INS: variants seen among roughly 807,000 people sequenced by gnomAD.
The protein encoded by INS is preproinsulin.
Under a neutral mutation model 10.5 loss-of-function variants are expected in INS, and 6 were observed. That is an observed-to-expected ratio of 0.57 (90% CI 0.31 to 1.13). The LOEUF (loss-of-function observed/expected upper bound fraction) is 1.13. Among genes scored for constraint, INS ranks in the 50% most tolerant of loss-of-function variants. The probability of loss-of-function intolerance (pLI) is 0.05; values close to 1 mark genes in which losing one functional copy is unlikely to be tolerated. For synonymous variants in INS, 71 were observed against 62.7 expected (o/e 1.13, Z -0.63); for missense variants, 109 against 138.6 (o/e 0.79, Z 1.07).
At position 2,159,834 on chromosome 11, in the gene INS, G is replaced by T; in HGVS notation, c.*18C>A. 2 of 1,609,840 alleles carry T rather than the reference G, an allele frequency of 1.2e-6. No homozygotes were observed. The highest frequency in any genetic ancestry group is 1.1e-5 in the South Asian group (1 of 90,168). On this transcript the variant is annotated 3_prime_UTR_variant, in exon 3 of 3. Transcript: ENST00000381330. ...CGGTGCAGGAGGCGGCGGGTGTGGG[G>T]CTGCCTGCGGGCTGCGTCTAGTTGC...
At chr11:2,160,396 C>T (rs1845859699) in intron 2 of INS, among the ~76,000 whole-genome samples, 2 of 152,212 alleles carry the variant, frequency 1.3e-5, no homozygotes, top group South Asian at 2.1e-4. Flanking sequence ...GGGTGTTCGC[C>T]CAGAGGCAGG....
rs561372758 is a variant in INS, at chr11:2,160,217, G to A, written c.188-220C>T. ...CCCACATGTCCCACCTCCTTCCCCC[G>A]CCCCGGGGCAGCGTCACAGTGGGAG... On this transcript the variant is annotated intron_variant, in intron 2 of 2. Transcript: ENST00000381330. Among the ~76,000 whole-genome samples, 168 of 152,228 alleles carry A rather than the reference G, an allele frequency of 1.1e-3. No homozygotes were observed. The highest frequency in any genetic ancestry group is 3.5e-3 in the Admixed American group (54 of 15,304).
chr11:2,161,141 C>T, intron 1 of INS, 27 bp downstream of exon 1: 2 of 919,200 alleles, frequency 2.2e-6, no homozygotes, highest in Non-Finnish European at 3.2e-6. Context: ...CCTGAGCCCA[C>T]CTGACGCAAA....
In INS at chr11:2,160,818, G is replaced by T. The variant is rs1460766978; in HGVS notation, c.154C>A (p.Pro52Thr). The T allele has an allele frequency of 6.2e-7, 1 of 1,612,600 alleles. No individual in the cohort carries two copies. Among genetic ancestry groups the T allele is most frequent in the Admixed American group, 1.7e-5 (1 of 60,012 alleles). Residue 52 changes from proline to threonine, a missense_variant, in exon 2 of 3, where the codon CCC (proline) becomes ACC (threonine). Coordinates refer to ENST00000381330, the MANE Select transcript of INS (RefSeq NM_000207.3). Reference sequence around the variant, plus strand: ...TCCTCTGCCTCCCGGCGGGTCTTGGGTGTGTAGAAGAAGCCTCGTTCCCCG... The same window carrying T: ...TCCTCTGCCTCCCGGCGGGTCTTGGTTGTGTAGAAGAAGCCTCGTTCCCCG... Reference protein sequence around the residue: ...VCGERGFFYTPKTRREAEDLQ... With the variant: ...VCGERGFFYTTKTRREAEDLQ...
intron 2 of INS, among the ~76,000 whole-genome samples, chr11:2,160,442 G>C (rs1024750316): frequency 3.3e-5 from 5 of 152,206 alleles, no homozygotes; most frequent in Middle Eastern, 3.2e-3. Flanking sequence ...GGTCACCCAG[G>C]ACTTTACTTA....
chr11:2,160,285 C>T (rs996438965), intron 2 of INS, among the ~76,000 whole-genome samples: 1 of 152,224 alleles, frequency 6.6e-6, no homozygotes, highest in African/African-American at 2.4e-5. Context: ...GGCCTGTCCC[C>T]AGCATCTTCC....
At chr11:2,160,064 C>G in intron 2 of INS, 67 bp from the exon 3 acceptor site, 1 of 1,504,974 alleles carries the variant, frequency 6.6e-7, no homozygotes. Flanking sequence ...CAGGAGGACA[C>G]AGTCAGGGAG....
At position 2,161,089 on chromosome 11, in the gene INS, C is replaced by A. The variant is rs141890481; in HGVS notation, c.-18+79G>T. The A allele has an allele frequency of 1.4e-5, 20 of 1,412,312 alleles. No homozygotes were observed. The African/African-American group carries it at 2.4e-4, about 17-fold the overall frequency. The allele number at this position is 1,412,312 out of a possible 1,614,324, so 87.5% of individuals were successfully genotyped here. On this transcript the variant is annotated intron_variant, in intron 1 of 2. Coordinates refer to ENST00000381330, the MANE Select transcript of INS (RefSeq NM_000207.3). The stretch of plus-strand genomic sequence containing the variant: ...GCTTCACGAGCCCAGCCACGTCCTC[C>A]CTGCTGCAGAGCTGGGGCCTGGGGT...
At chr11:2,161,023 C>T in intron 1 of INS, 35 bp from the exon 2 acceptor site, 2 of 1,597,510 alleles carry the variant, frequency 1.3e-6, no homozygotes, top group Non-Finnish European at 1.7e-6. Flanking sequence ...AGGCTGAAGG[C>T]CAGGTGCCCT....
intron 2 of INS, 107 bp downstream of exon 2, chr11:2,160,678 C>T: frequency 5.7e-6 from 8 of 1,403,460 alleles, no homozygotes; most frequent in Non-Finnish European, 7.9e-6. Flanking sequence ...CACCTGACCC[C>T]CTGCTGGGTG....
chr11:2,161,045 C>T, intron 1 of INS, 57 bp from the exon 2 acceptor site: 1 of 1,560,240 alleles, frequency 6.4e-7, no homozygotes, highest in Non-Finnish European at 8.7e-7. Flanking sequence ...CCTTGGGGCC[C>T]CTGGGCTCAC....
Position 2,159,831 on chromosome 11 carries a change from G to A in INS, c.*21C>T. ...TCTCGGTGCAGGAGGCGGCGGGTGTGGGGCTGCCTGCGGGCTGCGTCTAGT... is the reference window on the plus strand; with the variant it reads ...TCTCGGTGCAGGAGGCGGCGGGTGTAGGGCTGCCTGCGGGCTGCGTCTAGT... On this transcript the variant is annotated 3_prime_UTR_variant, in exon 3 of 3. Transcript: ENST00000381330. 6.2e-7 allele frequency: 1 copy of A among 1,609,704 alleles called. No homozygotes were observed. Among genetic ancestry groups the A allele is most frequent in the Non-Finnish European group, 8.5e-7 (1 of 1,178,772 alleles).
intron 1 of INS, 86 bp downstream of exon 1, chr11:2,161,082 C>T (rs9282754): frequency 2.7e-5 from 39 of 1,437,802 alleles, no homozygotes; most frequent in Non-Finnish European, 3.1e-5. Flanking sequence ...AGCCCAGCCA[C>T]GTCCTCCCTG....
chr11:2,160,907 G>T lies in INS; in HGVS notation c.65C>A (p.Ala22Asp). 4 of 1,612,660 alleles carry T rather than the reference G, an allele frequency of 2.5e-6. No homozygotes were observed. The highest frequency in any genetic ancestry group is 3.4e-6 in the Non-Finnish European group (4 of 1,179,854). The change falls in exon 2 of 3, where the codon GCC (alanine) becomes GAC (aspartate). Residue 22 changes from alanine to aspartate, a missense_variant. This residue lies in a region of INS where 108 missense variants were observed against 118.0 expected (regional missense o/e 0.92). Transcript: ENST00000381330. ...CAGGTGTTGGTTCACAAAGGCTGCG[G>T]CTGGGTCAGGTCCCCAGAGGGCCAG... ...ALLALWGPDP[A>D]AAFVNQHLCG...
In INS at chr11:2,159,801, A is replaced by G; in HGVS notation, c.*51T>C. ...AGGGCTGGTTCAAGGGCTTTATTCC[A>G]TCTCTCTCGGTGCAGGAGGCGGCGG... On this transcript the variant is annotated 3_prime_UTR_variant, in exon 3 of 3. Coordinates refer to ENST00000381330, the MANE Select transcript of INS (RefSeq NM_000207.3). 3.8e-6 allele frequency: 6 copies of G among 1,593,366 alleles called. No homozygotes were observed. Among genetic ancestry groups the G allele is most frequent in the South Asian group, 1.1e-5 (1 of 88,174 alleles).
At position 2,160,866 on chromosome 11, in the gene INS, C is replaced by G; in HGVS notation, c.106G>C (p.Val36Leu). 1 of 1,612,722 alleles carries G rather than the reference C, an allele frequency of 6.2e-7. No homozygotes were observed. The highest frequency in any genetic ancestry group is 8.5e-7 in the Non-Finnish European group (1 of 1,179,842). ...VNQHLCGSHL[V>L]EALYLVCGER... is the part of the protein sequence containing the mutation. The stretch of plus-strand genomic sequence containing the variant: ...CCGCACACTAGGTAGAGAGCTTCCA[C>G]CAGGTGTGAGCCGCACAGGTGTTGG... Residue 36 changes from valine (V) to leucine (L), a missense_variant, in exon 2 of 3, where the codon GTG becomes CTG. Val to Leu is a conservative substitution (Grantham distance 32). Transcript: ENST00000381330.
In INS at chr11:2,160,946, G is replaced by A; in HGVS notation, c.26C>T (p.Pro9Leu). MALWMRLLPLLALLALWGP... is the reference protein window; with the variant it reads MALWMRLLLLLALLALWGP... The stretch of plus-strand genomic sequence containing the variant: ...CCAGAGGGCCAGCAGCGCCAGCAGG[G>A]GCAGGAGGCGCATCCACAGGGCCAT... Residue 9 changes from proline (P) to leucine (L), a missense_variant, in exon 2 of 3, where the codon CCC becomes CTC. Physicochemically the swap from Pro to Leu is moderately conservative, Grantham distance 98. Transcript: ENST00000381330. 1.2e-6 allele frequency: 2 copies of A among 1,612,566 alleles called. No individual in the cohort carries two copies. The highest frequency in any genetic ancestry group is 2.2e-5 in the East Asian group (1 of 44,876).
chr11:2,160,937 G>A lies in INS; in HGVS notation c.35C>T (p.Ala12Val), dbSNP rs777079520. The change falls in exon 2 of 3, where the codon GCG (alanine) becomes GTG (valine). Residue 12 changes from alanine to valine, a missense_variant. Physicochemically the swap from Ala to Val is moderately conservative, Grantham distance 64. This residue lies in a region of INS where 108 missense variants were observed against 118.0 expected (regional missense o/e 0.92). Coordinates refer to ENST00000381330, the MANE Select transcript of INS (RefSeq NM_000207.3). ...ALWMRLLPLL[A>V]LLALWGPDPA... ...GTCAGGTCCCCAGAGGGCCAGCAGC[G>A]CCAGCAGGGGCAGGAGGCGCATCCA... 14 of 1,612,450 alleles carry A rather than the reference G, an allele frequency of 8.7e-6. No individual in the cohort carries two copies. The highest frequency in any genetic ancestry group is 4.5e-5 in the East Asian group (2 of 44,894).
Position 2,161,156 on chromosome 11 carries a change from C to G in INS, c.-18+12G>C. 1.3e-6 allele frequency: 1 copy of G among 784,450 alleles called. No homozygotes were observed. The highest frequency in any genetic ancestry group is 2.0e-6 in the Non-Finnish European group (1 of 506,006). The allele number at this position is 784,450 out of a possible 1,614,324, so 48.6% of individuals were successfully genotyped here. On this transcript the variant is annotated intron_variant, in intron 1 of 2. Transcript: ENST00000381330. ...CCTGAGCCCACCTGACGCAAAGGCC[C>G]TTGGAACAGACCTGCTTGATGGCCT...
Sources: allele counts gnomAD v4.1 joint callset (sites outside exome capture counted in the v4.1 genomes callset), GRCh38; gene constraint gnomAD v4.1.1; regional missense constraint gnomAD v4.1.1; transcripts MANE v1.5; gene names NCBI Gene and HGNC (gene_info 2026-07-23, HGNC 2026-07-21).